Variants in HCN1 observed in about 807,000 individuals in gnomAD.
The protein encoded by HCN1 is hyperpolarization activated cyclic nucleotide gated potassium channel 1, also known as potassium/sodium hyperpolarization-activated cyclic nucleotide-gated channel 1.
In HCN1, 13 loss-of-function variants were observed where a neutral mutation model predicts 78.9. The observed-to-expected ratio is 0.16, with a 90% CI of 0.11 to 0.26. The LOEUF (loss-of-function observed/expected upper bound fraction) is 0.26. Among genes scored for constraint, HCN1 ranks in the 10% least tolerant of loss-of-function variants. HCN1 has a pLI of 1.00. For missense variants in HCN1, 810 were observed against 1,154.3 expected, an observed-to-expected ratio of 0.70 and a Z score of 4.32; for synonymous variants, 552 against 455.5, an observed-to-expected ratio of 1.21 and a Z score of -2.70.
intron 2 of HCN1, among the ~76,000 whole-genome samples, chr5:45,500,740 A>T (rs953059538): frequency 1.3e-5 from 2 of 152,208 alleles, no homozygotes; most frequent in Non-Finnish European, 2.9e-5. Flanking sequence ...TAAAATTAAT[A>T]ACTCTGGCAT....
At chr5:45,354,556 A>G (rs1352450577) in intron 4 of HCN1, among the ~76,000 whole-genome samples, 1 of 152,090 alleles carries the variant, frequency 6.6e-6, no homozygotes, top group African/African-American at 2.4e-5. Flanking sequence ...AATTGATAAT[A>G]GACCTAGCTA....
At chr5:45,592,600 T>G (rs1267163471) in intron 2 of HCN1, among the ~76,000 whole-genome samples, 1 of 152,194 alleles carries the variant, frequency 6.6e-6, no homozygotes. Flanking sequence ...AGAATCTTTC[T>G]TTTCCTTGAA....
intron 2 of HCN1, among the ~76,000 whole-genome samples, chr5:45,556,941 A>T (rs771843430): frequency 2.0e-5 from 3 of 151,954 alleles, no homozygotes; most frequent in Non-Finnish European, 4.4e-5. Flanking sequence ...TTAAAGCTTG[A>T]CTAATCTCTC....
intron 2 of HCN1, among the ~76,000 whole-genome samples, chr5:45,526,706 C>T (rs1378627278): frequency 6.6e-6 from 1 of 152,040 alleles, no homozygotes; most frequent in African/African-American, 2.4e-5. Flanking sequence ...ATTTCCTTCT[C>T]CTGGGGCCTA....
chr5:45,656,431 C>G (rs1483057318), intron 1 of HCN1, among the ~76,000 whole-genome samples: 1 of 152,142 alleles, frequency 6.6e-6, no homozygotes, highest in Non-Finnish European at 1.5e-5. Context: ...GGAGAGTGAT[C>G]AAGTCTTCTG....
chr5:45,551,093 T>G (rs1313550532), intron 2 of HCN1, among the ~76,000 whole-genome samples: 5 of 152,028 alleles, frequency 3.3e-5, no homozygotes, highest in African/African-American at 1.2e-4. Context: ...AAAACTCTGA[T>G]GCATATTAGC....
chr5:45,588,070 G>A (rs1023672437), intron 2 of HCN1, among the ~76,000 whole-genome samples: 10 of 152,224 alleles, frequency 6.6e-5, no homozygotes, highest in East Asian at 3.9e-4. Context: ...CATTTCTGTC[G>A]TTTATGTGCC....
chr5:45,344,173 T>C (rs1746648188), intron 5 of HCN1, among the ~76,000 whole-genome samples: 1 of 152,086 alleles, frequency 6.6e-6, no homozygotes, highest in South Asian at 2.1e-4. Flanking sequence ...CTCCTTTTAA[T>C]ACCATCAGAT....
At chr5:45,342,757 T>C (rs933128439) in intron 5 of HCN1, among the ~76,000 whole-genome samples, 3 of 152,168 alleles carry the variant, frequency 2.0e-5, no homozygotes, top group African/African-American at 7.2e-5. Flanking sequence ...GATAAGTTTA[T>C]AAATGGTGAA....
Position 45,596,859 on chromosome 5 carries a change from T to C in HCN1, c.849+48326A>G, listed in dbSNP as rs151197967. Among the ~76,000 whole-genome samples the C allele has an allele frequency of 9.9e-4, 150 of 152,270 alleles. 1 individual carries two copies. The highest frequency in any genetic ancestry group is 6.8e-3 in the Admixed American group (104 of 15,296). ...ACTTTTGTATTATCCAAAATAAAAT[T>C]AGAAGAATATCTTAAGTGAAAAGGC... On this transcript the variant is annotated intron_variant, in intron 2 of 7. Coordinates refer to ENST00000303230, the MANE Select transcript of HCN1 (RefSeq NM_021072.4).
At chr5:45,689,695 A>G (rs1449044476) in intron 1 of HCN1, among the ~76,000 whole-genome samples, 1 of 152,122 alleles carries the variant, frequency 6.6e-6, no homozygotes, top group Non-Finnish European at 1.5e-5. Flanking sequence ...ATGAGGCTGC[A>G]TATATCGGCT....
At chr5:45,512,136 C>G (rs1742428891) in intron 2 of HCN1, among the ~76,000 whole-genome samples, 1 of 152,038 alleles carries the variant, frequency 6.6e-6, no homozygotes, top group Non-Finnish European at 1.5e-5. Flanking sequence ...TCGTCACTTT[C>G]TATTTACAAA....
intron 2 of HCN1, among the ~76,000 whole-genome samples, chr5:45,636,985 A>T (rs1745369079): frequency 6.6e-6 from 1 of 152,234 alleles, no homozygotes; most frequent in Admixed American, 6.5e-5. Context: ...TTAAATTTCA[A>T]TAAACTTTTT....
chr5:45,602,953 C>T (rs973535027), intron 2 of HCN1, among the ~76,000 whole-genome samples: 1 of 152,064 alleles, frequency 6.6e-6, no homozygotes, highest in Non-Finnish European at 1.5e-5. Context: ...GTAAACTAAT[C>T]CAATCAAATA....
chr5:45,441,229 AT>A (rs772061107), intron 3 of HCN1, among the ~76,000 whole-genome samples: 5 of 151,888 alleles, frequency 3.3e-5, no homozygotes, highest in Non-Finnish European at 5.9e-5. Context: ...TTTATGTTCT[AT>A]TTTTTTCTGA....
intron 2 of HCN1, among the ~76,000 whole-genome samples, chr5:45,580,222 T>A (rs1460617606): frequency 1.3e-5 from 2 of 152,040 alleles, no homozygotes; most frequent in African/African-American, 4.8e-5. Flanking sequence ...ATAGGGAGAT[T>A]ACCTTGGATT....
chr5:45,633,043 T>A (rs1207963232), intron 2 of HCN1, among the ~76,000 whole-genome samples: 1 of 151,964 alleles, frequency 6.6e-6, no homozygotes, highest in Non-Finnish European at 1.5e-5. Flanking sequence ...AAGAGTCTCC[T>A]ACAAGGGCAT....
intron 3 of HCN1, among the ~76,000 whole-genome samples, chr5:45,452,772 T>G (rs1034902400): frequency 6.6e-6 from 1 of 151,972 alleles, no homozygotes; most frequent in Non-Finnish European, 1.5e-5. Flanking sequence ...GTTAAAGGTT[T>G]AAAAGCCAAA....
chr5:45,379,771 A>G (rs1747765992), intron 4 of HCN1, among the ~76,000 whole-genome samples: 1 of 152,026 alleles, frequency 6.6e-6, no homozygotes, highest in Admixed American at 6.6e-5. Flanking sequence ...GTTTTTTATT[A>G]AAATACTACT....
Sources: allele counts gnomAD v4.1 joint callset (sites outside exome capture counted in the v4.1 genomes callset), GRCh38; gene constraint gnomAD v4.1.1; transcripts MANE v1.5; gene names NCBI Gene and HGNC (gene_info 2026-07-23, HGNC 2026-07-21).